Variants in AGAP1 observed in about 807,000 individuals in gnomAD.
The protein encoded by AGAP1 is arf-GAP with GTPase, ANK repeat and PH domain-containing protein 1.
A neutral mutation model predicts 105.3 loss-of-function variants in AGAP1; 29 were observed. That is an observed-to-expected ratio of 0.28 (90% CI 0.21 to 0.38). AGAP1 has a LOEUF of 0.38. AGAP1 is among the 10% of genes least tolerant of loss of function. The pLI, the probability that AGAP1 is intolerant of heterozygous loss-of-function variation, is 1.00. For missense variants in AGAP1, 998 were observed against 1,165.1 expected, an observed-to-expected ratio of 0.86 and a Z score of 2.09; for synonymous variants, 509 against 485.9, an observed-to-expected ratio of 1.05 and a Z score of -0.63.
rs1297012938 is a variant in AGAP1, at chr2:235,732,719, T to C, written c.311-8244T>C. Among the ~76,000 whole-genome samples, 1 of 152,172 alleles carries C rather than the reference T, an allele frequency of 6.6e-6. No individual in the cohort carries two copies. Among genetic ancestry groups the C allele is most frequent in the Non-Finnish European group, 1.5e-5 (1 of 68,012 alleles). ...AGACATTGTCTTTCCCTGAGACCGA[T>C]GCTGACCACTGGGAAGACTTCTCCC... is the stretch of plus-strand genomic sequence containing the variant. On this transcript the variant is annotated intron_variant, in intron 3 of 17. Coordinates refer to ENST00000304032, the MANE Select transcript of AGAP1 (RefSeq NM_001037131.3). The surrounding 1 kb of genome is among the most constrained non-coding windows in gnomAD (Gnocchi z 4.8).
At position 235,893,923 on chromosome 2, in the gene AGAP1, C is replaced by T. The variant is rs981759155; in HGVS notation, c.1155+10474C>T. ...TGGTATGATTGAGACTAACAGTACT[C>T]ACCATGTCTTACAACATGACCTCCC... On this transcript the variant is annotated intron_variant, in intron 10 of 17. Transcript: ENST00000304032. This position sits in a 1 kb window ranked among gnomAD's most constrained non-coding sequence, Gnocchi z 4.7. 6.6e-6 allele frequency among the ~76,000 whole-genome samples: 1 copy of T among 152,186 alleles called. No homozygotes were observed. Among genetic ancestry groups the T allele is most frequent in the Non-Finnish European group, 1.5e-5 (1 of 68,036 alleles).
chr2:235,929,545 G>A (rs921400017), intron 11 of AGAP1, among the ~76,000 whole-genome samples: 3 of 151,924 alleles, frequency 2.0e-5, no homozygotes, highest in East Asian at 1.9e-4. Flanking sequence ...AAAGCCAAAC[G>A]CCTCGTCGTT....
intron 15 of AGAP1, among the ~76,000 whole-genome samples, chr2:236,041,095 CT>C (rs2057536540): frequency 2.0e-5 from 3 of 152,264 alleles, no homozygotes; most frequent in South Asian, 2.1e-4. Context: ...GCAGTCATAC[CT>C]GAGGTGCAAA....
intron 1 of AGAP1, among the ~76,000 whole-genome samples, chr2:235,502,711 T>TTC (rs796813803): frequency 8.7e-4 from 132 of 151,392 alleles, no homozygotes; most frequent in African/African-American, 3.1e-3. Flanking sequence ...TTTTTTTTTT[T>TTC]TTTTTTTTTT....
rs887191086 is a variant in AGAP1 at position 235,960,943 on chromosome 2, G to C, written c.1484-7519G>C. ...AACTAAGTCGCGAAATTGATACACT[G>C]CTGTGTGATACACCAGAAAGTGGTC... is the stretch of plus-strand genomic sequence containing the variant. On this transcript the variant is annotated intron_variant, in intron 12 of 17. Transcript: ENST00000304032. The surrounding 1 kb of genome is among the most constrained non-coding windows in gnomAD (Gnocchi z 4.9). Among the ~76,000 whole-genome samples the C allele has an allele frequency of 3.3e-5, 5 of 152,228 alleles. No homozygotes were observed. Among genetic ancestry groups the C allele is most frequent in the African/African-American group, 1.2e-4 (5 of 41,462 alleles).
chr2:235,496,831 G>A (rs1393797567), intron 1 of AGAP1, among the ~76,000 whole-genome samples: 2 of 152,036 alleles, frequency 1.3e-5, no homozygotes. Context: ...TTTGCGATTT[G>A]AGATTTTAGG....
At chr2:235,797,728 A>G in intron 6 of AGAP1, 31 bp from the exon 7 acceptor site, 1 of 1,613,852 alleles carries the variant, frequency 6.2e-7, no homozygotes, top group Non-Finnish European at 8.5e-7. Context: ...ATTGATTGAC[A>G]TGGATTTCTT....
chr2:235,950,269 T>TC (rs2053677560), intron 12 of AGAP1, among the ~76,000 whole-genome samples: 1 of 152,190 alleles, frequency 6.6e-6, no homozygotes, highest in Non-Finnish European at 1.5e-5. Flanking sequence ...GACTCCGGGT[T>TC]TCCCTAGCCC....
chr2:235,883,345 G>C lies in AGAP1; in HGVS notation c.1051G>C (p.Gly351Arg), dbSNP rs1442292619. Residue 351 changes from glycine to arginine, a missense_variant and splice_region_variant, in exon 10 of 18, where the codon GGC becomes CGC. This residue lies in a region of AGAP1 where 735 missense variants were observed against 833.4 expected (regional missense o/e 0.88). Transcript: ENST00000304032. The surrounding 1 kb of genome is among the most constrained non-coding windows in gnomAD (Gnocchi z 4.5). ...GSGRAIPIKQ[G>R]MLLKRSGKSL... Reference sequence around the variant, plus strand: ...CTATTTGGCTCTTTTTCCCTTGTAGGGCATGCTGTTGAAGCGAAGTGGCAA... The same window carrying C: ...CTATTTGGCTCTTTTTCCCTTGTAGCGCATGCTGTTGAAGCGAAGTGGCAA... The C allele has an allele frequency of 6.2e-7, 1 of 1,613,038 alleles. No homozygotes were observed. The highest frequency in any genetic ancestry group is 8.5e-7 in the Non-Finnish European group (1 of 1,179,642).
rs11373301 is a variant in AGAP1, at chr2:235,840,768, G to GTT, written c.1050+33450_1050+33451dup. ...TGTGGAGGATGAAGGAGAAAGAAGA[G>GTT]TTTTTTTTTTTTTTATAAATGAGGG... On this transcript the variant is annotated intron_variant, in intron 9 of 17. Transcript: ENST00000304032. Among the ~76,000 whole-genome samples the GTT allele has an allele frequency of 6.4e-3, 932 of 146,464 alleles. 1 individual carries two copies. The highest frequency in any genetic ancestry group is 8.7e-3 in the East Asian group (43 of 4,924).
chr2:235,625,595 G>A lies in AGAP1; in HGVS notation c.164-83584G>A, dbSNP rs191474747. On this transcript the variant is annotated intron_variant, in intron 1 of 17. Coordinates refer to ENST00000304032, the MANE Select transcript of AGAP1 (RefSeq NM_001037131.3). The surrounding 1 kb of genome is among the most constrained non-coding windows in gnomAD (Gnocchi z 4.0). ...GTTGTTTATAAACTTCAGCTTAAAA[G>A]GTGGGGTTAATAGGGAACAACATAA... 2.0e-5 allele frequency among the ~76,000 whole-genome samples: 3 copies of A among 152,302 alleles called. No individual in the cohort carries two copies. The East Asian group carries it at 5.8e-4, about 29-fold the overall frequency.
chr2:235,767,323 C>T (rs1236519831), intron 6 of AGAP1, among the ~76,000 whole-genome samples: 1 of 152,218 alleles, frequency 6.6e-6, no homozygotes, highest in Non-Finnish European at 1.5e-5. Flanking sequence ...AGGCACCTCA[C>T]GTTAGCGTCT....
rs756828738 is a variant in AGAP1 at position 235,741,078 on chromosome 2, T to C, written c.396+30T>C. ...GTATACATGCATGCCCCAAGCCTGCTTTTTTTCCCTTTGTTTTCTAAGGTT... is the reference window on the plus strand; with the variant it reads ...GTATACATGCATGCCCCAAGCCTGCCTTTTTTCCCTTTGTTTTCTAAGGTT... On this transcript the variant is annotated intron_variant, in intron 4 of 17. Coordinates refer to ENST00000304032, the MANE Select transcript of AGAP1 (RefSeq NM_001037131.3). The surrounding 1 kb of genome is among the most constrained non-coding windows in gnomAD (Gnocchi z 4.9). The C allele has an allele frequency of 1.7e-5, 25 of 1,505,048 alleles. No individual in the cohort carries two copies. Among genetic ancestry groups the C allele is most frequent in the Non-Finnish European group, 2.2e-5 (24 of 1,111,888 alleles). The allele number at this position is 1,505,048 out of a possible 1,614,324, so 93.2% of individuals were successfully genotyped here.
intron 1 of AGAP1, among the ~76,000 whole-genome samples, chr2:235,508,345 T>C (rs1941923771): frequency 6.6e-6 from 1 of 152,128 alleles, no homozygotes; most frequent in South Asian, 2.1e-4. Context: ...TTTAGTAAAG[T>C]AGAAAAGGAA....
chr2:235,688,749 A>C (rs1301305229), intron 1 of AGAP1, among the ~76,000 whole-genome samples: 3 of 152,144 alleles, frequency 2.0e-5, no homozygotes, highest in Admixed American at 2.0e-4. Context: ...GCATTGGAGG[A>C]AATGAGCATT....
At chr2:235,647,639 T>C (rs1450444078) in intron 1 of AGAP1, among the ~76,000 whole-genome samples, 1 of 152,132 alleles carries the variant, frequency 6.6e-6, no homozygotes, top group African/African-American at 2.4e-5. Flanking sequence ...CCTCCTCCCT[T>C]GCCCTCCCAA....
At chr2:235,829,436 C>G (rs1410535484) in intron 9 of AGAP1, among the ~76,000 whole-genome samples, 1 of 152,156 alleles carries the variant, frequency 6.6e-6, no homozygotes, top group African/African-American at 2.4e-5. Context: ...TCTAACTTTC[C>G]TAAGAACCCT....
chr2:235,548,452 G>C (rs1406933680), intron 1 of AGAP1, among the ~76,000 whole-genome samples: 1 of 152,100 alleles, frequency 6.6e-6, no homozygotes, highest in Non-Finnish European at 1.5e-5. Flanking sequence ...TCAGGAGTTC[G>C]AGGCCAGCCT....
intron 6 of AGAP1, among the ~76,000 whole-genome samples, chr2:235,796,232 A>G (rs1957236650): frequency 6.6e-6 from 1 of 152,188 alleles, no homozygotes; most frequent in Middle Eastern, 3.2e-3. Flanking sequence ...TTTTTGGCTA[A>G]TTTACTTTTG....
Sources: gnomAD v4.1 joint callset for allele counts (sites outside exome capture counted in the v4.1 genomes callset) on GRCh38, gnomAD v4.1.1 for gene constraint, gnomAD v4.1.1 regional missense constraint, Gnocchi (gnomAD v3.1) non-coding constraint, MANE v1.5 for transcripts, NCBI Gene and HGNC (gene_info 2026-07-23, HGNC 2026-07-21) for gene names.